ECM2: variants seen among roughly 807,000 people sequenced by gnomAD.
ECM2 encodes extracellular matrix protein 2.
A neutral mutation model predicts 67.5 loss-of-function variants in ECM2; 57 were observed. The observed-to-expected ratio is 0.84, with a 90% confidence interval of 0.68 to 1.05. The LOEUF (loss-of-function observed/expected upper bound fraction) is 1.05. Ranked by LOEUF, ECM2 falls within the 50% of genes least tolerant of loss-of-function variation. The pLI, the probability that ECM2 is intolerant of heterozygous loss-of-function variation, is 0.00. For synonymous variants in ECM2, 258 were observed against 294.5 expected (o/e 0.88, Z 1.27); for missense variants, 741 against 822.8 (o/e 0.90, Z 1.22).
At chr9:92,545,380 A>T in the ECM2 span, among the ~76,000 whole-genome samples, 78 of 152,210 alleles carry the variant, frequency 5.1e-4, 1 homozygote, top group Middle Eastern at 0.014. Context: ...GCAGTGAGGG[A>T]CTTAGCACCC....
the ECM2 span, among the ~76,000 whole-genome samples, chr9:92,551,504 ATTTAT>A: frequency 7.9e-5 from 12 of 152,106 alleles, no homozygotes; most frequent in Middle Eastern, 3.4e-3. Context: ...CACCTGGCTA[ATTTAT>A]TTTATTTTAT....
At chr9:92,516,299 G>A (rs1223746264) in intron 3 of ECM2, among the ~76,000 whole-genome samples, 1 of 152,118 alleles carries the variant, frequency 6.6e-6, no homozygotes, top group East Asian at 1.9e-4. Flanking sequence ...ACCTGACCTT[G>A]TGATCCTCCC....
chr9:92,509,650 A>G (rs1207272793), intron 6 of ECM2, among the ~76,000 whole-genome samples: 1 of 152,228 alleles, frequency 6.6e-6, no homozygotes, highest in Non-Finnish European at 1.5e-5. Flanking sequence ...TGCCTTGTGA[A>G]TAATAAGAAC....
intron 1 of ECM2, among the ~76,000 whole-genome samples, chr9:92,525,925 A>T (rs559206012): frequency 5.3e-4 from 81 of 151,456 alleles, no homozygotes; most frequent in African/African-American, 1.9e-3. Context: ...AGCACATACA[A>T]TTATGTACAG....
chr9:92,514,848 A>T lies in ECM2; in HGVS notation c.837T>A (p.Gly279=), dbSNP rs762503486. ...CCTCCTCATCCTCCTCACCCTCCTC[A>T]CCCTCCTCCTCCTCATCCTCCTCCT... ...REEEEDEEEE[G]EEGEEDEEDE... is the part of the protein sequence containing the mutation. The change falls in exon 4 of 10, where the codon GGT becomes GGA. Residue 279 remains glycine (G), a synonymous_variant. Coordinates refer to ENST00000344604, the MANE Select transcript of ECM2 (RefSeq NM_001393.4). 6.2e-7 allele frequency: 1 copy of T among 1,608,420 alleles called. No homozygotes were observed. The highest frequency in any genetic ancestry group is 1.1e-5 in the South Asian group (1 of 90,206).
chr9:92,543,777 T>A, the ECM2 span, among the ~76,000 whole-genome samples: 1 of 152,246 alleles, frequency 6.6e-6, no homozygotes, highest in South Asian at 2.1e-4. Flanking sequence ...TGGTTATGTT[T>A]ATTCTTAAGT....
rs759408059 is a variant in ECM2 at position 92,512,038 on chromosome 9, A to G, written c.1143T>C (p.Ser381=). 6.2e-7 allele frequency: 1 copy of G among 1,613,332 alleles called. No individual in the cohort carries two copies. Among genetic ancestry groups the G allele is most frequent in the Non-Finnish European group, 8.5e-7 (1 of 1,179,530 alleles). ...TGAATGCTTTTGGACCTATGCCTGA[A>G]GAAGTGATATTATTTTTACTCAGAT... The part of the protein sequence containing the change: ...RLDLSKNNIT[S]SGIGPKAFKL... Residue 381 remains serine (S), a synonymous_variant, in exon 5 of 10, where the codon TCT becomes TCC. Coordinates refer to ENST00000344604, the MANE Select transcript of ECM2 (RefSeq NM_001393.4).
chr9:92,511,942 C>G, intron 5 of ECM2, 69 bp downstream of exon 5: 4 of 1,197,554 alleles, frequency 3.3e-6, no homozygotes, highest in Non-Finnish European at 4.7e-6. Flanking sequence ...CCTCCCTTCC[C>G]CATCTCCAAC....
chr9:92,545,292 C>A, the ECM2 span, among the ~76,000 whole-genome samples: 2 of 151,998 alleles, frequency 1.3e-5, no homozygotes, highest in Non-Finnish European at 2.9e-5. Flanking sequence ...GGGCGGGAAC[C>A]AGGGCTGCGT....
chr9:92,541,865 C>T, the ECM2 span, among the ~76,000 whole-genome samples: 1 of 152,108 alleles, frequency 6.6e-6, no homozygotes, highest in Non-Finnish European at 1.5e-5. Context: ...GCAATCTCGG[C>T]TCACTGCAAC....
chr9:92,557,637 G>A, the ECM2 span, among the ~76,000 whole-genome samples: 6 of 151,936 alleles, frequency 3.9e-5, no homozygotes, highest in South Asian at 4.2e-4. Flanking sequence ...AGAGCATTTC[G>A]CATTTCTTTG....
At position 92,500,722 on chromosome 9, in the gene ECM2, T is replaced by C; in HGVS notation, c.1931+5A>G. Reference sequence around the variant, plus strand: ...AAACAGATACTTGAAAAAGCCAAAATTTACCGTATCTTGTTGTTGTTCAGC... The same window carrying C: ...AAACAGATACTTGAAAAAGCCAAAACTTACCGTATCTTGTTGTTGTTCAGC... On this transcript the variant is annotated splice_donor_5th_base_variant and intron_variant, in intron 9 of 9. Transcript: ENST00000344604. 5 of 1,595,818 alleles carry C rather than the reference T, an allele frequency of 3.1e-6. No homozygotes were observed. The highest frequency in any genetic ancestry group is 4.3e-6 in the Non-Finnish European group (5 of 1,169,284).
At chr9:92,533,328 A>AAAAAATAT (rs1554683138) in intron 1 of ECM2, among the ~76,000 whole-genome samples, 12 of 38,334 alleles carry the variant, frequency 3.1e-4, no homozygotes, top group Non-Finnish European at 4.3e-4. Flanking sequence ...AAAAAAAAAA[A>AAAAAATAT]ATATATATAT....
At chr9:92,517,085 C>CA (rs1847773585) in intron 3 of ECM2, 1 of 125,138 alleles carries the variant, frequency 8.0e-6, no homozygotes, top group African/African-American at 4.5e-5. Flanking sequence ...AGAAGGGGTC[C>CA]ATGAGCAGCC....
chr9:92,538,648 G>A (rs1849245544), upstream of ECM2, among the ~76,000 whole-genome samples: 2 of 152,144 alleles, frequency 1.3e-5, no homozygotes, highest in Admixed American at 6.5e-5. Flanking sequence ...TGTTACATGA[G>A]TCCTTTTGCA....
intron 5 of ECM2, among the ~76,000 whole-genome samples, chr9:92,511,170 G>C (rs1847313317): frequency 6.6e-6 from 1 of 152,134 alleles, no homozygotes; most frequent in Admixed American, 6.5e-5. Context: ...CTGTCGCCCA[G>C]GCTGGAGTGC....
At chr9:92,533,316 A>T (rs1230646336) in intron 1 of ECM2, among the ~76,000 whole-genome samples, 84 of 97,090 alleles carry the variant, frequency 8.7e-4, no homozygotes, top group African/African-American at 3.4e-3. Flanking sequence ...AAAAAAAAAA[A>T]AAAAAAAAAA....
At chr9:92,509,371 T>C (rs576019057) in intron 6 of ECM2, among the ~76,000 whole-genome samples, 2 of 152,364 alleles carry the variant, frequency 1.3e-5, no homozygotes, top group Middle Eastern at 3.4e-3. Flanking sequence ...CATTTATTCA[T>C]ATTCCATGCA....
At chr9:92,533,328 A>AAAAAAAAAAATATATATATATATATAT (rs1554683138) in intron 1 of ECM2, among the ~76,000 whole-genome samples, 1 of 38,332 alleles carries the variant, frequency 2.6e-5, no homozygotes, top group African/African-American at 1.5e-4. Context: ...AAAAAAAAAA[A>AAAAAAAAAAATATATATATATATATAT]ATATATATAT....
Sources: gnomAD v4.1 joint callset for allele counts (sites outside exome capture counted in the v4.1 genomes callset) on GRCh38, gnomAD v4.1.1 for gene constraint, MANE v1.5 for transcripts, NCBI Gene and HGNC (gene_info 2026-07-23, HGNC 2026-07-21) for gene names.